KRTAP13-2: variants seen among roughly 807,000 people sequenced by gnomAD.
The protein encoded by KRTAP13-2 is keratin associated protein 13-2.
For synonymous variants in KRTAP13-2, 92 were observed against 87.4 expected (o/e 1.05, Z -0.30); for missense variants, 231 against 212.4 (o/e 1.09, Z -0.55).
rs769180381 is a variant in KRTAP13-2, at chr21:30,371,813, C to T, written c.401G>A (p.Ser134Asn). Residue 134 changes from serine (S) to asparagine (N), a missense_variant, in exon 1 of 1, where the codon AGC (serine) becomes AAC (asparagine). Coordinates refer to ENST00000399889, the MANE Select transcript of KRTAP13-2 (RefSeq NM_181621.4). ...ATAGCCGAGGGAAGGGAAGCCACAG[C>T]TTCCATAACCCAGGGATCTGACACC... ...SSGVRSLGYG[S>N]CGFPSLGYGS... The T allele has an allele frequency of 3.7e-5, 59 of 1,614,090 alleles. No homozygotes were observed. The highest frequency in any genetic ancestry group is 3.3e-4 in the Middle Eastern group (2 of 6,062).
Position 30,371,669 on chromosome 21 carries a change from T to C in KRTAP13-2, c.*17A>G. 6.2e-7 allele frequency: 1 copy of C among 1,608,472 alleles called. No homozygotes were observed. The highest frequency in any genetic ancestry group is 8.5e-7 in the Non-Finnish European group (1 of 1,176,812). ...CTACGTAGAGACTGAGACACTTTGC[T>C]TAAAAGGTCTGGAAATTCAGCAAGT... On this transcript the variant is annotated 3_prime_UTR_variant, in exon 1 of 1. Transcript: ENST00000399889.
rs1183791477 is a variant in KRTAP13-2 at position 30,372,116 on chromosome 21, T to C, written c.98A>G (p.Asn33Ser). ...ASSRGFSYPS[N>S]LVYSTDLCSP... Reference sequence around the variant, plus strand: ...GCAGAGGTCAGTGCTGTAGACCAGATTGCTGGGGTAGGAAAAGCCACGTGA... The same window carrying C: ...GCAGAGGTCAGTGCTGTAGACCAGACTGCTGGGGTAGGAAAAGCCACGTGA... Residue 33 changes from asparagine (N) to serine (S), a missense_variant, in exon 1 of 1, where the codon AAT becomes AGT. Transcript: ENST00000399889. The C allele has an allele frequency of 1.9e-6, 3 of 1,614,078 alleles. No individual in the cohort carries two copies. The highest frequency in any genetic ancestry group is 2.7e-5 in the African/African-American group (2 of 74,986).
chr21:30,371,567 T>C lies in KRTAP13-2; in HGVS notation c.*119A>G, dbSNP rs1812790107. ...AGAACTAGCCTGTCCAGCCAGTACTTGATGCCAGAGAAAGGATGAAGAGCT... is the reference window on the plus strand; with the variant it reads ...AGAACTAGCCTGTCCAGCCAGTACTCGATGCCAGAGAAAGGATGAAGAGCT... On this transcript the variant is annotated 3_prime_UTR_variant, in exon 1 of 1. Coordinates refer to ENST00000399889, the MANE Select transcript of KRTAP13-2 (RefSeq NM_181621.4). 3.0e-6 allele frequency: 3 copies of C among 999,894 alleles called. No individual in the cohort carries two copies. Among genetic ancestry groups the C allele is most frequent in the South Asian group, 1.6e-5 (1 of 61,230 alleles). 61.9% of individuals were successfully genotyped at this position (999,894 alleles called of 1,614,324 possible).
Position 30,372,205 on chromosome 21 carries a change from G to A in KRTAP13-2, c.9C>T (p.Tyr3=), listed in dbSNP as rs754236550. Residue 3 remains tyrosine, a synonymous_variant, in exon 1 of 1, where the codon TAC becomes TAT. Coordinates refer to ENST00000399889, the MANE Select transcript of KRTAP13-2 (RefSeq NM_181621.4). The part of the protein sequence containing the change: MS[Y]NCCSGNFSSR... ...AGGAGAAGTTTCCAGAGCAGCAGTTGTAGGACATGTTGACGGGAGATGTGA... is the reference window on the plus strand; with the variant it reads ...AGGAGAAGTTTCCAGAGCAGCAGTTATAGGACATGTTGACGGGAGATGTGA... The A allele has an allele frequency of 3.1e-6, 5 of 1,611,570 alleles. No homozygotes were observed. In the South Asian group the frequency reaches 4.4e-5, roughly 14 times the overall value.
chr21:30,371,588 G>A lies in KRTAP13-2; in HGVS notation c.*98C>T, dbSNP rs1982896989. 1 of 1,173,838 alleles carries A rather than the reference G, an allele frequency of 8.5e-7. No individual in the cohort carries two copies. Among genetic ancestry groups the A allele is most frequent in the Non-Finnish European group, 1.2e-6 (1 of 821,306 alleles). 72.7% of individuals were successfully genotyped at this position (1,173,838 alleles called of 1,614,324 possible). Reference sequence around the variant, plus strand: ...TACTTGATGCCAGAGAAAGGATGAAGAGCTAGTAGTAAGAGGGGTTAGCTC... The same window carrying A: ...TACTTGATGCCAGAGAAAGGATGAAAAGCTAGTAGTAAGAGGGGTTAGCTC... On this transcript the variant is annotated 3_prime_UTR_variant, in exon 1 of 1. Transcript: ENST00000399889.
At position 30,372,097 on chromosome 21, in the gene KRTAP13-2, G is replaced by A. The variant is rs1290776404; in HGVS notation, c.117C>T (p.Asp39=). 1.9e-6 allele frequency: 3 copies of A among 1,614,204 alleles called. No homozygotes were observed. Among genetic ancestry groups the A allele is most frequent in the Non-Finnish European group, 8.5e-7 (1 of 1,180,032 alleles). The change falls in exon 1 of 1, where the codon GAC becomes GAT. Residue 39 remains aspartate, a synonymous_variant. Coordinates refer to ENST00000399889, the MANE Select transcript of KRTAP13-2 (RefSeq NM_181621.4). ...SYPSNLVYST[D]LCSPSTCQLG... The stretch of plus-strand genomic sequence containing the variant: ...GCTGGCAGGTGCTGGGAGAGCAGAG[G>A]TCAGTGCTGTAGACCAGATTGCTGG...
rs1982899793 is a variant in KRTAP13-2 at position 30,371,667 on chromosome 21, G to C, written c.*19C>G. The C allele has an allele frequency of 1.2e-6, 2 of 1,607,092 alleles. No homozygotes were observed. The highest frequency in any genetic ancestry group is 1.7e-6 in the Non-Finnish European group (2 of 1,176,058). ...CTCTACGTAGAGACTGAGACACTTT[G>C]CTTAAAAGGTCTGGAAATTCAGCAA... is the stretch of plus-strand genomic sequence containing the variant. On this transcript the variant is annotated 3_prime_UTR_variant, in exon 1 of 1. Coordinates refer to ENST00000399889, the MANE Select transcript of KRTAP13-2 (RefSeq NM_181621.4).
chr21:30,371,798 G>T lies in KRTAP13-2; in HGVS notation c.416C>A (p.Ser139Tyr). 6.2e-7 allele frequency: 1 copy of T among 1,614,094 alleles called. No homozygotes were observed. ...SLGYGSCGFP[S>Y]LGYGSGFCRP... ...GCAGAATCCAGATCCATAGCCGAGG[G>T]AAGGGAAGCCACAGCTTCCATAACC... Residue 139 changes from serine (S) to tyrosine (Y), a missense_variant, in exon 1 of 1, where the codon TCC becomes TAC. By Grantham distance (144) the Ser-to-Tyr change is moderately radical (BLOSUM62 -2). Transcript: ENST00000399889.
chr21:30,372,073 C>T lies in KRTAP13-2; in HGVS notation c.141G>A (p.Gln47=), dbSNP rs61748319. 1 of 1,614,174 alleles carries T rather than the reference C, an allele frequency of 6.2e-7. No homozygotes were observed. The highest frequency in any genetic ancestry group is 1.7e-5 in the Admixed American group (1 of 60,016). Residue 47 remains glutamine, a synonymous_variant, in exon 1 of 1, where the codon CAG becomes CAA. Transcript: ENST00000399889. The part of the protein sequence containing the change: ...STDLCSPSTC[Q]LGSSLYRGCQ... ...AGCCCCTATAGAGAGAGGAACCCAG[C>T]TGGCAGGTGCTGGGAGAGCAGAGGT...
In KRTAP13-2 at chr21:30,371,709, T is replaced by C. The variant is rs779796835; in HGVS notation, c.505A>G (p.Thr169Ala). The C allele has an allele frequency of 4.5e-5, 73 of 1,613,862 alleles. No individual in the cohort carries two copies. The highest frequency in any genetic ancestry group is 5.5e-5 in the Non-Finnish European group (65 of 1,179,932). ...SPCYRPAYGSTFCRSTC is the reference protein window; with the variant it reads ...SPCYRPAYGSAFCRSTC ...ATTCAGCAAGTTGATCTGCAGAAGG[T>C]TGATCCATAGGCTGGTCTGTAACAA... is the stretch of plus-strand genomic sequence containing the variant. The change falls in exon 1 of 1, where the codon ACC becomes GCC. Residue 169 changes from threonine (T) to alanine (A), a missense_variant. Thr to Ala is a moderately conservative substitution (Grantham distance 58). Coordinates refer to ENST00000399889, the MANE Select transcript of KRTAP13-2 (RefSeq NM_181621.4).
At position 30,371,648 on chromosome 21, in the gene KRTAP13-2, G is replaced by T; in HGVS notation, c.*38C>A. The T allele has an allele frequency of 6.3e-7, 1 of 1,588,278 alleles. No homozygotes were observed. Among genetic ancestry groups the T allele is most frequent in the Non-Finnish European group, 8.6e-7 (1 of 1,165,066 alleles). Reference sequence around the variant, plus strand: ...GAAATGCCTATGATAACAGCTCTACGTAGAGACTGAGACACTTTGCTTAAA... The same window carrying T: ...GAAATGCCTATGATAACAGCTCTACTTAGAGACTGAGACACTTTGCTTAAA... On this transcript the variant is annotated 3_prime_UTR_variant, in exon 1 of 1. Transcript: ENST00000399889.
rs150635388 is a variant in KRTAP13-2 at position 30,371,744 on chromosome 21, C to A, written c.470G>T (p.Cys157Phe). Residue 157 changes from cysteine (C) to phenylalanine (F), a missense_variant, in exon 1 of 1, where the codon TGC becomes TTC. Coordinates refer to ENST00000399889, the MANE Select transcript of KRTAP13-2 (RefSeq NM_181621.4). ...CRPTYLASRSCQSPCYRPAYG... is the reference protein window; with the variant it reads ...CRPTYLASRSFQSPCYRPAYG... ...GGCTGGTCTGTAACAAGGAGACTGG[C>A]AGCTCCTAGAAGCCAAGTAGGTTGG... The A allele has an allele frequency of 2.2e-3, 3,475 of 1,614,118 alleles. 7 individuals are homozygous for A. Among genetic ancestry groups the A allele is most frequent in the Non-Finnish European group, 2.6e-3 (3,108 of 1,179,980 alleles).
At position 30,372,206 on chromosome 21, in the gene KRTAP13-2, T is replaced by A; in HGVS notation, c.8A>T (p.Tyr3Phe). Residue 3 changes from tyrosine (Y) to phenylalanine (F), a missense_variant, in exon 1 of 1, where the codon TAC becomes TTC. Physicochemically the swap from Tyr to Phe is conservative, Grantham distance 22. Coordinates refer to ENST00000399889, the MANE Select transcript of KRTAP13-2 (RefSeq NM_181621.4). Reference protein sequence around the residue: MSYNCCSGNFSSR... With the variant: MSFNCCSGNFSSR... ...GGAGAAGTTTCCAGAGCAGCAGTTG[T>A]AGGACATGTTGACGGGAGATGTGAG... 6.2e-7 allele frequency: 1 copy of A among 1,611,408 alleles called. No homozygotes were observed. The highest frequency in any genetic ancestry group is 8.5e-7 in the Non-Finnish European group (1 of 1,178,144).
chr21:30,371,962 T>G lies in KRTAP13-2; in HGVS notation c.252A>C (p.Arg84Ser). The change falls in exon 1 of 1, where the codon AGA (arginine) becomes AGC (serine). Residue 84 changes from arginine to serine, a missense_variant. Physicochemically the swap from Arg to Ser is moderately radical, Grantham distance 110. Transcript: ENST00000399889. Reference protein sequence around the residue: ...SPCQTSCYRPRTSLLCSPCKT... With the variant: ...SPCQTSCYRPSTSLLCSPCKT... The stretch of plus-strand genomic sequence containing the variant: ...TGCAAGGACTGCAGAGCAAGGAGGT[T>G]CTGGGGCGGTAGCAGGAGGTCTGGC... 2 of 1,614,154 alleles carry G rather than the reference T, an allele frequency of 1.2e-6. No homozygotes were observed. Among genetic ancestry groups the G allele is most frequent in the Non-Finnish European group, 1.7e-6 (2 of 1,180,026 alleles).
At position 30,371,406 on chromosome 21, in the gene KRTAP13-2, A is replaced by G. The variant is rs777420764; in HGVS notation, c.*280T>C. 2.6e-4 allele frequency: 92 copies of G among 348,456 alleles called. 1 individual carries two copies. The Middle Eastern group carries it at 6.0e-3, about 23-fold the overall frequency. 21.6% of individuals were successfully genotyped at this position (348,456 alleles called of 1,614,324 possible). ...GAGAACATATTGGAATCAACAGTAA[A>G]TGAATTTATTACGTGAAACAAAACT... On this transcript the variant is annotated 3_prime_UTR_variant, in exon 1 of 1. Coordinates refer to ENST00000399889, the MANE Select transcript of KRTAP13-2 (RefSeq NM_181621.4).
chr21:30,371,724 G>C lies in KRTAP13-2; in HGVS notation c.490C>G (p.Pro164Ala), dbSNP rs769466458. The C allele has an allele frequency of 1.2e-6, 2 of 1,614,010 alleles. No homozygotes were observed. The highest frequency in any genetic ancestry group is 2.7e-5 in the African/African-American group (2 of 74,904). Reference sequence around the variant, plus strand: ...CTGCAGAAGGTTGATCCATAGGCTGGTCTGTAACAAGGAGACTGGCAGCTC... The same window carrying C: ...CTGCAGAAGGTTGATCCATAGGCTGCTCTGTAACAAGGAGACTGGCAGCTC... ...SRSCQSPCYR[P>A]AYGSTFCRST... The change falls in exon 1 of 1, where the codon CCA becomes GCA. Residue 164 changes from proline (P) to alanine (A), a missense_variant. Physicochemically the swap from Pro to Ala is conservative, Grantham distance 27. Coordinates refer to ENST00000399889, the MANE Select transcript of KRTAP13-2 (RefSeq NM_181621.4).
chr21:30,372,200 C>T lies in KRTAP13-2; in HGVS notation c.14G>A (p.Cys5Tyr). 6.2e-7 allele frequency: 1 copy of T among 1,612,932 alleles called. No homozygotes were observed. The highest frequency in any genetic ancestry group is 8.5e-7 in the Non-Finnish European group (1 of 1,179,308). The change falls in exon 1 of 1, where the codon TGC (cysteine) becomes TAC (tyrosine). Residue 5 changes from cysteine (C) to tyrosine (Y), a missense_variant. Transcript: ENST00000399889. ...GCGGGAGGAGAAGTTTCCAGAGCAG[C>T]AGTTGTAGGACATGTTGACGGGAGA... MSYN[C>Y]CSGNFSSRSC...
rs1287501552 is a variant in KRTAP13-2 at position 30,371,689 on chromosome 21, G to A, written c.525C>T (p.Cys175=). The A allele has an allele frequency of 1.2e-6, 2 of 1,612,014 alleles. No individual in the cohort carries two copies. The highest frequency in any genetic ancestry group is 1.7e-6 in the Non-Finnish European group (2 of 1,178,800). The change falls in exon 1 of 1, where the codon TGC becomes TGT. Residue 175 remains cysteine, a synonymous_variant. Transcript: ENST00000399889. ...AYGSTFCRST[C] ...TTTGCTTAAAAGGTCTGGAAATTCA[G>A]CAAGTTGATCTGCAGAAGGTTGATC...
chr21:30,371,540 A>G lies in KRTAP13-2; in HGVS notation c.*146T>C. ...GCTCATTCATTAATTTCACAGTCTG[A>G]AAGAACTAGCCTGTCCAGCCAGTAC... On this transcript the variant is annotated 3_prime_UTR_variant, in exon 1 of 1. Coordinates refer to ENST00000399889, the MANE Select transcript of KRTAP13-2 (RefSeq NM_181621.4). The G allele has an allele frequency of 1.3e-6, 1 of 757,652 alleles. No homozygotes were observed. Among genetic ancestry groups the G allele is most frequent in the South Asian group, 2.0e-5 (1 of 51,228 alleles). The allele number at this position is 757,652 out of a possible 1,614,324, so 46.9% of individuals were successfully genotyped here.
Sources: allele counts gnomAD v4.1 joint callset, GRCh38; gene constraint gnomAD v4.1.1; transcripts MANE v1.5; gene names NCBI Gene and HGNC (gene_info 2026-07-23, HGNC 2026-07-21).